FAT3: variants seen among roughly 807,000 people sequenced by gnomAD.
FAT3 encodes protocadherin Fat 3.
In FAT3, 95 loss-of-function variants were observed where a neutral mutation model predicts 310.2. The ratio of observed to expected loss-of-function variants is 0.31; its 90% confidence interval spans 0.26 to 0.36. The LOEUF (loss-of-function observed/expected upper bound fraction) is 0.36, where lower values mean the gene tolerates loss of function less well. FAT3 is among the 10% of genes least tolerant of loss of function. The pLI is 1.00. For synonymous variants in FAT3, 2,314 were observed against 2,192.9 expected (o/e 1.06, Z -1.54); for missense variants, 5,408 against 5,715.6 (o/e 0.95, Z 1.74).
intron 3 of FAT3, among the ~76,000 whole-genome samples, chr11:92,680,983 A>G (rs1943466580): frequency 6.6e-6 from 1 of 152,234 alleles, no homozygotes; most frequent in African/African-American, 2.4e-5. Flanking sequence ...TGAAAATTCA[A>G]ATAGGACAAA....
intron 3 of FAT3, among the ~76,000 whole-genome samples, chr11:92,628,906 ACACT>A (rs1294241632): frequency 8.5e-5 from 13 of 152,184 alleles, no homozygotes; most frequent in Admixed American, 2.0e-4. Context: ...GCACACACAC[ACACT>A]CACACACACA....
At chr11:92,328,053 G>A (rs138730143) in intron 1 of FAT3, among the ~76,000 whole-genome samples, 5 of 152,222 alleles carry the variant, frequency 3.3e-5, no homozygotes, top group African/African-American at 1.2e-4. Flanking sequence ...GAGTTGTTTG[G>A]GCCCCAGTTC....
chr11:92,869,906 G>C (rs896388040), intron 22 of FAT3, among the ~76,000 whole-genome samples: 2 of 152,312 alleles, frequency 1.3e-5, no homozygotes, highest in Non-Finnish European at 2.9e-5. Flanking sequence ...ACTAGGCTGC[G>C]TGAAGTGTTC....
chr11:92,558,869 G>A (rs1448485350), intron 3 of FAT3, among the ~76,000 whole-genome samples: 1 of 152,058 alleles, frequency 6.6e-6, no homozygotes, highest in Non-Finnish European at 1.5e-5. Context: ...TTTTTAGAGG[G>A]TATTAATATC....
intron 2 of FAT3, among the ~76,000 whole-genome samples, chr11:92,433,601 C>T (rs1591284790): frequency 6.6e-6 from 1 of 152,284 alleles, no homozygotes; most frequent in East Asian, 1.9e-4. Context: ...AGCCAAATAC[C>T]TCAGTTGGAA....
intron 3 of FAT3, among the ~76,000 whole-genome samples, chr11:92,695,442 C>T (rs573746204): frequency 7.1e-4 from 108 of 152,148 alleles, no homozygotes; most frequent in Admixed American, 3.4e-3. Flanking sequence ...GACAGTAGCT[C>T]TTTACATCCA....
intron 9 of FAT3, among the ~76,000 whole-genome samples, chr11:92,797,008 C>T (rs1237247179): frequency 6.6e-6 from 1 of 152,116 alleles, no homozygotes; most frequent in Non-Finnish European, 1.5e-5. Context: ...TTCAGATTCC[C>T]AACAGTTTCT....
In FAT3 at chr11:92,799,279, A is replaced by G. The variant is rs1322924784; in HGVS notation, c.6266A>G (p.Tyr2089Cys). The G allele has an allele frequency of 3.1e-6, 5 of 1,613,812 alleles. No homozygotes were observed. Among genetic ancestry groups the G allele is most frequent in the South Asian group, 1.1e-5 (1 of 91,086 alleles). Residue 2089 changes from tyrosine (Y) to cysteine (C), a missense_variant, in exon 10 of 28, where the codon TAC becomes TGC. By Grantham distance (194) the Tyr-to-Cys change is radical. Transcript: ENST00000525166. ...TCTCCAGTCTTTGTGGGCCTCCCATACTATGCTGCTGTTCAAGTGGATGCG... is the reference window on the plus strand; with the variant it reads ...TCTCCAGTCTTTGTGGGCCTCCCATGCTATGCTGCTGTTCAAGTGGATGCG... ...DNSPVFVGLP[Y>C]YAAVQVDAEP...
At chr11:92,411,134 T>G (rs1481817254) in intron 2 of FAT3, among the ~76,000 whole-genome samples, 3 of 110,416 alleles carry the variant, frequency 2.7e-5, no homozygotes, top group East Asian at 5.6e-4. Flanking sequence ...ATATATTATA[T>G]ATTATATATA....
intron 4 of FAT3, among the ~76,000 whole-genome samples, chr11:92,730,473 G>A (rs1362795357): frequency 2.0e-5 from 3 of 152,198 alleles, no homozygotes; most frequent in Non-Finnish European, 4.4e-5. Flanking sequence ...AGGTGAGGAC[G>A]TGAGCTGTAC....
intron 2 of FAT3, among the ~76,000 whole-genome samples, chr11:92,475,847 T>G (rs1952037473): frequency 6.6e-6 from 1 of 152,184 alleles, no homozygotes; most frequent in Non-Finnish European, 1.5e-5. Flanking sequence ...TTAAATTTAT[T>G]TGTAGGGAGT....
At chr11:92,784,532 A>T (rs1191063364) in intron 7 of FAT3, among the ~76,000 whole-genome samples, 1 of 152,094 alleles carries the variant, frequency 6.6e-6, no homozygotes. Flanking sequence ...AGCCTGCAAA[A>T]CCCGAAGTGT....
At chr11:92,529,359 A>G (rs1212394044) in intron 3 of FAT3, among the ~76,000 whole-genome samples, 1 of 152,196 alleles carries the variant, frequency 6.6e-6, no homozygotes, top group African/African-American at 2.4e-5. Context: ...TATACAGGGA[A>G]TATAAACAAG....
rs770482649 is a variant in FAT3, at chr11:92,857,364, G to A, written c.11500+16G>A. On this transcript the variant is annotated intron_variant, in intron 20 of 27. Coordinates refer to ENST00000525166, the MANE Select transcript of FAT3 (RefSeq NM_001367949.2). ...GAGTGCTCAGGTGCAGAGTGGAGTG[G>A]AATGATGCAGATCTAATTTCATATT... 4.3e-6 allele frequency: 7 copies of A among 1,613,682 alleles called. No individual in the cohort carries two copies. The East Asian group carries it at 1.6e-4, about 36-fold the overall frequency.
At chr11:92,781,060 T>C (rs1449535430) in intron 7 of FAT3, among the ~76,000 whole-genome samples, 2 of 148,342 alleles carry the variant, frequency 1.3e-5, no homozygotes, top group African/African-American at 4.9e-5. Context: ...GGTTCTTTTT[T>C]TTCTTTTCTT....
chr11:92,262,364 A>G (rs918222997), intron 1 of FAT3, among the ~76,000 whole-genome samples: 20 of 152,114 alleles, frequency 1.3e-4, no homozygotes, highest in Admixed American at 1.1e-3. Context: ...CTGAATAGAA[A>G]GAGCAAATGT....
At chr11:92,272,268 C>T (rs904600185) in intron 1 of FAT3, among the ~76,000 whole-genome samples, 1 of 152,022 alleles carries the variant, frequency 6.6e-6, no homozygotes, top group Non-Finnish European at 1.5e-5. Context: ...ATGGAAAGCT[C>T]CAAGCAGAGT....
intron 4 of FAT3, among the ~76,000 whole-genome samples, chr11:92,705,640 GTGGT>G (rs1470455314): frequency 0.97 from 2,992 of 3,072 alleles, 1,484 homozygotes; most frequent in South Asian, 1. Flanking sequence ...GTGTGTGATG[GTGGT>G]TGGTGGTGTG....
chr11:92,286,013 A>T (rs1488873913), intron 1 of FAT3, among the ~76,000 whole-genome samples: 1 of 152,070 alleles, frequency 6.6e-6, no homozygotes, highest in Non-Finnish European at 1.5e-5. Context: ...TTTCCCCGAG[A>T]TGAGAGTGTC....
Sources: gnomAD v4.1 joint callset for allele counts (sites outside exome capture counted in the v4.1 genomes callset) on GRCh38, gnomAD v4.1.1 for gene constraint, MANE v1.5 for transcripts, NCBI Gene and HGNC (gene_info 2026-07-23, HGNC 2026-07-21) for gene names.